The following ANO4 variants were observed in gnomAD, a reference collection of about 807,000 sequenced individuals.
The protein encoded by ANO4 is anoctamin 4.
Under a neutral mutation model 141.9 loss-of-function variants are expected in ANO4, and 69 were observed. The observed-to-expected ratio is 0.49, with a 90% CI of 0.40 to 0.59. The LOEUF (loss-of-function observed/expected upper bound fraction) is 0.59, where lower values mean the gene tolerates loss of function less well. Among genes scored for constraint, ANO4 ranks in the 20% least tolerant of loss-of-function variants. ANO4 has a pLI of 0.00. For synonymous variants in ANO4, 350 were observed against 394.3 expected, an observed-to-expected ratio of 0.89 and a Z score of 1.33; for missense variants, 894 against 1,162.2, an observed-to-expected ratio of 0.77 and a Z score of 3.36.
At chr12:100,901,524 G>A (rs372822035) in intron 1 of ANO4, 122 bp from the exon 2 acceptor site, 7 of 526,824 alleles carry the variant, frequency 1.3e-5, no homozygotes, top group Admixed American at 1.1e-4. Context: ...TTTGAGTGAT[G>A]CATACCTTAA....
intron 1 of ANO4, chr12:100,717,618 C>T (rs1449490707): frequency 1.3e-5 from 5 of 398,982 alleles, no homozygotes; most frequent in African/African-American, 1.0e-4. Flanking sequence ...CGTCGAAACA[C>T]CCGGGGAAAC....
At chr12:100,841,405 G>A (rs942823892) in intron 1 of ANO4, among the ~76,000 whole-genome samples, 3 of 152,152 alleles carry the variant, frequency 2.0e-5, no homozygotes, top group African/African-American at 7.2e-5. Flanking sequence ...ATAAGACAAA[G>A]TCTATATCCC....
At chr12:100,852,257 C>T (rs2037913546) in intron 1 of ANO4, 1 of 152,132 alleles carries the variant, frequency 6.6e-6, no homozygotes, top group Non-Finnish European at 1.5e-5. Context: ...AAACATATTT[C>T]AAATAAATAA....
At chr12:101,073,075 C>T (rs2048885806) in intron 14 of ANO4, among the ~76,000 whole-genome samples, 1 of 152,178 alleles carries the variant, frequency 6.6e-6, no homozygotes, top group Admixed American at 6.5e-5. Context: ...CCAGCAATCC[C>T]ATTACTGGGT....
In ANO4 at chr12:101,031,240, A is replaced by T. The variant is rs11513869; in HGVS notation, c.842-5855A>T. On this transcript the variant is annotated intron_variant, in intron 9 of 27. Coordinates refer to ENST00000392977, the MANE Select transcript of ANO4 (RefSeq NM_001286615.2). ...CACATCAAAAAGCTTAGCCACCACA[A>T]TCAAGTCAGCTTCACACCTGGGATG... is the stretch of plus-strand genomic sequence containing the variant. Among the ~76,000 whole-genome samples, 634 of 152,300 alleles carry T rather than the reference A, an allele frequency of 4.2e-3. 5 individuals carry two copies. The highest frequency in any genetic ancestry group is 5.1e-3 in the Non-Finnish European group (345 of 68,028).
At chr12:100,928,687 A>T (rs1017555168) in intron 3 of ANO4, among the ~76,000 whole-genome samples, 4 of 152,164 alleles carry the variant, frequency 2.6e-5, no homozygotes, top group African/African-American at 9.7e-5. Context: ...ATGAGCAAAG[A>T]TTGAATTAGG....
In ANO4 at chr12:101,110,432, T is replaced by G; in HGVS notation, c.2178T>G (p.Phe726Leu). The G allele has an allele frequency of 6.2e-7, 1 of 1,609,754 alleles. No homozygotes were observed. The highest frequency in any genetic ancestry group is 8.5e-7 in the Non-Finnish European group (1 of 1,178,470). Residue 726 changes from phenylalanine (F) to leucine (L), a missense_variant, in exon 23 of 28, where the codon TTT becomes TTG. Phe to Leu is a conservative substitution (Grantham distance 22). Coordinates refer to ENST00000392977, the MANE Select transcript of ANO4 (RefSeq NM_001286615.2). ...MILQFGFTTI[F>L]VAAFPLAPLL... ...TTCAGTTTGGATTCACAACTATCTT[T>G]GTGGCAGCTTTTCCCCTAGCACCAC...
At chr12:101,056,971 A>C in intron 14 of ANO4, among the ~76,000 whole-genome samples, 1 of 145,586 alleles carries the variant, frequency 6.9e-6, no homozygotes, top group Non-Finnish European at 1.5e-5. Context: ...CGTCATCTAC[A>C]TTAGGTATTT....
chr12:100,961,001 A>T (rs1036451624), intron 5 of ANO4, among the ~76,000 whole-genome samples: 1 of 152,188 alleles, frequency 6.6e-6, no homozygotes, highest in African/African-American at 2.4e-5. Context: ...CTACAAAGGG[A>T]GTATTTTCTC....
At chr12:100,904,671 C>T (rs76969742) in intron 2 of ANO4, among the ~76,000 whole-genome samples, 24 of 152,182 alleles carry the variant, frequency 1.6e-4, no homozygotes, top group East Asian at 1.5e-3. Context: ...GGGACTAGAT[C>T]GGGCAGGACC....
intron 1 of ANO4, among the ~76,000 whole-genome samples, chr12:100,824,493 T>C (rs1312403730): frequency 6.6e-6 from 1 of 152,002 alleles, no homozygotes; most frequent in Non-Finnish European, 1.5e-5. Flanking sequence ...ATATACAGAT[T>C]TTCTAAATAT....
intron 5 of ANO4, among the ~76,000 whole-genome samples, chr12:100,946,528 G>C (rs374977607): frequency 6.6e-6 from 1 of 152,150 alleles, no homozygotes; most frequent in Non-Finnish European, 1.5e-5. Flanking sequence ...TAAAAAAGAA[G>C]AGTCACAGAC....
chr12:101,068,778 C>A (rs626423), intron 14 of ANO4: 2 of 1,232,876 alleles, frequency 1.6e-6, no homozygotes, highest in African/African-American at 2.9e-5. Flanking sequence ...GCTTACATAG[C>A]CTGGCTTTAG....
At chr12:100,856,276 T>G (rs1204267582) in intron 1 of ANO4, among the ~76,000 whole-genome samples, 2 of 152,196 alleles carry the variant, frequency 1.3e-5, no homozygotes, top group African/African-American at 2.4e-5. Context: ...AGATTCATGG[T>G]AGCCTGTGAT....
At position 100,927,661 on chromosome 12, in the gene ANO4, C is replaced by A. The variant is rs117460406; in HGVS notation, c.160+5331C>A. The stretch of plus-strand genomic sequence containing the variant: ...TGAAGCATGTCATTCAAAGGTTATA[C>A]TGTACTTTTTCATTCTCACTTTAAA... On this transcript the variant is annotated intron_variant, in intron 3 of 27. Coordinates refer to ENST00000392977, the MANE Select transcript of ANO4 (RefSeq NM_001286615.2). Among the ~76,000 whole-genome samples, 164 of 152,190 alleles carry A rather than the reference C, an allele frequency of 1.1e-3. 3 individuals are homozygous for A. In the East Asian group the frequency reaches 0.017, roughly 16 times the overall value.
intron 8 of ANO4, among the ~76,000 whole-genome samples, chr12:101,011,262 A>C (rs2136447989): frequency 6.6e-6 from 1 of 151,962 alleles, no homozygotes; most frequent in East Asian, 1.9e-4. Flanking sequence ...AGGAGCAAGA[A>C]ATTCACATCC....
At chr12:100,816,910 C>T (rs2035768834) in intron 1 of ANO4, among the ~76,000 whole-genome samples, 1 of 151,754 alleles carries the variant, frequency 6.6e-6, no homozygotes, top group Non-Finnish European at 1.5e-5. Flanking sequence ...GAGTTCTTAG[C>T]CCTCTAAATT....
At chr12:100,906,128 G>A (rs1404972966) in intron 2 of ANO4, among the ~76,000 whole-genome samples, 1 of 152,142 alleles carries the variant, frequency 6.6e-6, no homozygotes, top group Non-Finnish European at 1.5e-5. Context: ...TTAATTTTGT[G>A]TAGCTACATG....
At chr12:101,036,446 C>T (rs1449436516) in intron 9 of ANO4, among the ~76,000 whole-genome samples, 1 of 152,116 alleles carries the variant, frequency 6.6e-6, no homozygotes, top group Non-Finnish European at 1.5e-5. Context: ...GAAAACAACC[C>T]AAGTGTCCCC....
Sources: gnomAD v4.1 joint callset for allele counts (sites outside exome capture counted in the v4.1 genomes callset) on GRCh38, gnomAD v4.1.1 for gene constraint, MANE v1.5 for transcripts, NCBI Gene and HGNC (gene_info 2026-07-23, HGNC 2026-07-21) for gene names.